The following GLYR1 variants were observed in gnomAD, a reference collection of about 807,000 sequenced individuals.
GLYR1 encodes the protein glyoxylate reductase 1 homolog, also known as cytokine-like nuclear factor N-PAC.
GLYR1 carries 21 observed loss-of-function variants against 72.7 expected under a neutral mutation model. The ratio of observed to expected loss-of-function variants is 0.29; its 90% CI spans 0.20 to 0.42. The LOEUF is 0.42. Ranked by LOEUF, GLYR1 falls within the 10% of genes least tolerant of loss-of-function variation. The pLI, the probability that GLYR1 is intolerant of heterozygous loss-of-function variation, is 1.00. For missense variants in GLYR1, 594 were observed against 712.1 expected (o/e 0.83, Z 1.89); for synonymous variants, 392 against 270.2 (o/e 1.45, Z -4.42).
chr16:4,830,030 C>G (rs1446489796), intron 5 of GLYR1, among the ~76,000 whole-genome samples: 1 of 152,028 alleles, frequency 6.6e-6, no homozygotes, highest in Non-Finnish European at 1.5e-5. Context: ...TCTAGAACTC[C>G]TGGGCTCAGG....
chr16:4,818,130 G>C (rs2083770636), intron 9 of GLYR1, among the ~76,000 whole-genome samples: 1 of 152,090 alleles, frequency 6.6e-6, no homozygotes, highest in Non-Finnish European at 1.5e-5. Flanking sequence ...GAGTAGCTGG[G>C]ATTACAGGCG....
chr16:4,814,755 A>G, intron 10 of GLYR1, 108 bp from the exon 11 acceptor site: 1 of 870,918 alleles, frequency 1.1e-6, no homozygotes, highest in South Asian at 1.5e-5. Context: ...CCAAGGCAGG[A>G]GGCTGAGGCC....
intron 15 of GLYR1, among the ~76,000 whole-genome samples, chr16:4,806,451 G>A (rs1437588510): frequency 6.6e-6 from 1 of 151,542 alleles, no homozygotes; most frequent in African/African-American, 2.4e-5. Flanking sequence ...CGAACTCCTG[G>A]GCTCAAGCAA....
At chr16:4,805,395 T>A in intron 15 of GLYR1, 85 bp from the exon 16 acceptor site, 1 of 1,173,320 alleles carries the variant, frequency 8.5e-7, no homozygotes, top group Non-Finnish European at 1.3e-6. Context: ...GTGGTGGATG[T>A]GGCCAGCAGG....
chr16:4,835,519 C>T (rs184627004), intron 3 of GLYR1, among the ~76,000 whole-genome samples: 10 of 152,256 alleles, frequency 6.6e-5, no homozygotes, highest in Admixed American at 5.2e-4. Context: ...CATCCTGTTA[C>T]ATCAAAAAAC....
chr16:4,814,064 TAA>T (rs77652993), intron 11 of GLYR1: 26,346 of 315,548 alleles, frequency 0.083, 1,059 homozygotes, highest in African/African-American at 0.2. Context: ...TCTTTTTATT[TAA>T]AAAAAAAAAA....
intron 5 of GLYR1, among the ~76,000 whole-genome samples, chr16:4,830,330 G>A (rs1359927051): frequency 6.6e-6 from 1 of 151,006 alleles, no homozygotes; most frequent in Non-Finnish European, 1.5e-5. Flanking sequence ...AAAGTGCTAT[G>A]ATTGCAGGTA....
At chr16:4,842,646 C>A (rs996313192) in intron 3 of GLYR1, among the ~76,000 whole-genome samples, 1 of 152,032 alleles carries the variant, frequency 6.6e-6, no homozygotes, top group Non-Finnish European at 1.5e-5. Context: ...CAGGCATGAG[C>A]CACTGTGCCC....
chr16:4,843,699 T>G, intron 3 of GLYR1: 1 of 1,203,132 alleles, frequency 8.3e-7, no homozygotes, highest in South Asian at 1.3e-5. Context: ...TAGAAATACT[T>G]TAACCGTCAG....
intron 6 of GLYR1, among the ~76,000 whole-genome samples, chr16:4,823,383 T>C (rs1282146861): frequency 1.3e-5 from 2 of 152,194 alleles, no homozygotes; most frequent in African/African-American, 4.8e-5. Context: ...GCCACGACAG[T>C]GGACCTTCAT....
intron 5 of GLYR1, among the ~76,000 whole-genome samples, chr16:4,831,067 C>T (rs2084766791): frequency 6.6e-6 from 1 of 152,190 alleles, no homozygotes; most frequent in Non-Finnish European, 1.5e-5. Context: ...ACCTCTACAT[C>T]CCCAGTCCTC....
chr16:4,819,115 T>A (rs2083841179), intron 9 of GLYR1, among the ~76,000 whole-genome samples: 1 of 152,264 alleles, frequency 6.6e-6, no homozygotes, highest in Admixed American at 6.5e-5. Context: ...TGCAAAAGAA[T>A]GCCTTTCCTC....
In GLYR1 at chr16:4,836,196, C is replaced by A. The variant is rs562753944; in HGVS notation, c.156-3284G>T. 5.9e-5 allele frequency among the ~76,000 whole-genome samples: 9 copies of A among 152,300 alleles called. No individual in the cohort carries two copies. In the South Asian group the frequency reaches 1.9e-3, roughly 32 times the overall value. On this transcript the variant is annotated intron_variant, in intron 3 of 15. Transcript: ENST00000321919. ...AGGCACATCAGCCGGGCCTGGCACA[C>A]CACTGGTCCTCAATAAATAATCACT...
chr16:4,847,026 G>A lies in GLYR1; in HGVS notation c.38+202C>T, dbSNP rs2086183490. 2.5e-5 allele frequency: 14 copies of A among 566,296 alleles called. No homozygotes were observed. In the Admixed American group the frequency reaches 3.7e-4, roughly 15 times the overall value. The allele number at this position is 566,296 out of a possible 1,614,324, so 35.1% of individuals were successfully genotyped here. ...GCCTCGGGGATCAAAGCCGGTGCCC[G>A]ACGTGGCCACCCTCGGCCTCGGTCC... On this transcript the variant is annotated intron_variant, in intron 1 of 15. Transcript: ENST00000321919.
chr16:4,818,930 C>G (rs2083826435), intron 9 of GLYR1, among the ~76,000 whole-genome samples: 1 of 152,160 alleles, frequency 6.6e-6, no homozygotes, highest in Non-Finnish European at 1.5e-5. Context: ...ACTCATTGGC[C>G]AGTCTCCTCC....
chr16:4,845,342 T>C (rs1021452444), intron 2 of GLYR1, among the ~76,000 whole-genome samples, 189 bp from the exon 3 acceptor site: 2 of 152,246 alleles, frequency 1.3e-5, no homozygotes, highest in African/African-American at 2.4e-5. Context: ...CCCATTTTTC[T>C]ATTGAGGTGT....
chr16:4,836,579 C>G (rs117146886), intron 3 of GLYR1, among the ~76,000 whole-genome samples: 156 of 152,212 alleles, frequency 1.0e-3, no homozygotes, highest in Non-Finnish European at 1.7e-3. Flanking sequence ...AGAAGGAAAG[C>G]GGATGTCTCG....
Position 4,821,594 on chromosome 16 carries a change from C to G in GLYR1, c.685G>C (p.Ala229Pro), listed in dbSNP as rs575806492. 1 of 1,613,928 alleles carries G rather than the reference C, an allele frequency of 6.2e-7. No homozygotes were observed. Among genetic ancestry groups the G allele is most frequent in the African/African-American group, 1.3e-5 (1 of 75,048 alleles). Residue 229 changes from alanine (A) to proline (P), a missense_variant, in exon 8 of 16, where the codon GCT (alanine) becomes CCT (proline). By Grantham distance (27) the Ala-to-Pro change is conservative. Transcript: ENST00000321919. ...HFLLSQTEKPAVCYQAITKKL... is the reference protein window; with the variant it reads ...HFLLSQTEKPPVCYQAITKKL... ...TTCGTGATTGCCTGGTAACAGACAG[C>G]TGGCTAATGAAGGAGGAGGAAAGAG...
intron 3 of GLYR1, among the ~76,000 whole-genome samples, chr16:4,844,643 C>T (rs2085833391): frequency 6.6e-6 from 1 of 152,212 alleles, no homozygotes; most frequent in African/African-American, 2.4e-5. Flanking sequence ...CACCTGTGGT[C>T]CCAGCTACTC....
Sources: gnomAD v4.1 joint callset for allele counts (sites outside exome capture counted in the v4.1 genomes callset) on GRCh38, gnomAD v4.1.1 for gene constraint, MANE v1.5 for transcripts, NCBI Gene and HGNC (gene_info 2026-07-23, HGNC 2026-07-21) for gene names.